CELF1: variants seen among roughly 807,000 people sequenced by gnomAD.
CELF1 encodes 50 kDa nuclear polyadenylated RNA-binding protein.
In CELF1, 10 loss-of-function variants were observed where a neutral mutation model predicts 61.8. The observed-to-expected ratio is 0.16, with a 90% CI of 0.10 to 0.27. The LOEUF is 0.27. Ranked by LOEUF, CELF1 falls within the 10% of genes least tolerant of loss-of-function variation. CELF1 has a pLI of 1.00. For missense variants in CELF1, 380 were observed against 639.1 expected, an observed-to-expected ratio of 0.59 and a Z score of 4.37; for synonymous variants, 236 against 225.1, an observed-to-expected ratio of 1.05 and a Z score of -0.43.
chr11:47,538,079 C>T (rs1003746101), intron 1 of CELF1, among the ~76,000 whole-genome samples: 3 of 152,006 alleles, frequency 2.0e-5, no homozygotes, highest in African/African-American at 7.2e-5. Context: ...CCATGCCTGG[C>T]TAAATAATTT....
At chr11:47,499,394 T>C in intron 3 of CELF1, 59 bp downstream of exon 3, 1 of 1,353,334 alleles carries the variant, frequency 7.4e-7, no homozygotes. Context: ...TTTCATCAAA[T>C]AAAGAAAACA....
intron 12 of CELF1, among the ~76,000 whole-genome samples, chr11:47,476,560 G>A (rs2080249020): frequency 6.6e-6 from 1 of 152,172 alleles, no homozygotes; most frequent in Non-Finnish European, 1.5e-5. Context: ...CAAGTAGCTA[G>A]GACTACAGGC....
At chr11:47,524,517 G>A (rs965436023) in intron 1 of CELF1, 4 of 152,104 alleles carry the variant, frequency 2.6e-5, no homozygotes, top group African/African-American at 9.7e-5. Flanking sequence ...AAAGACAAAC[G>A]AGTCACCTCT....
chr11:47,487,585 G>C (rs7933019), intron 4 of CELF1, among the ~76,000 whole-genome samples: 34,657 of 152,108 alleles, frequency 0.23, 5,043 homozygotes, highest in South Asian at 0.46. Flanking sequence ...TATGAGACAA[G>C]AAGACAGATG....
chr11:47,535,846 T>C (rs1386645239), intron 1 of CELF1, among the ~76,000 whole-genome samples: 2 of 148,964 alleles, frequency 1.3e-5, no homozygotes. Flanking sequence ...CACTGCAATC[T>C]CCACCTCCTG....
intron 1 of CELF1, among the ~76,000 whole-genome samples, chr11:47,548,553 T>C (rs573306529): frequency 2.0e-5 from 3 of 152,170 alleles, no homozygotes; most frequent in African/African-American, 7.2e-5. Flanking sequence ...AAATCATCTA[T>C]CTAATAAGGG....
intron 1 of CELF1, among the ~76,000 whole-genome samples, chr11:47,534,321 C>T (rs935018275): frequency 3.3e-5 from 5 of 151,482 alleles, no homozygotes; most frequent in Admixed American, 6.6e-5. Flanking sequence ...TGAGCCACGG[C>T]GCCTGGCCAT....
At chr11:47,541,419 G>A (rs2096769936) in intron 1 of CELF1, among the ~76,000 whole-genome samples, 1 of 152,000 alleles carries the variant, frequency 6.6e-6, no homozygotes, top group Non-Finnish European at 1.5e-5. Context: ...GGCCAGGTGT[G>A]GAGGCTCACA....
At chr11:47,541,478 G>A (rs1486001730) in intron 1 of CELF1, among the ~76,000 whole-genome samples, 1 of 151,876 alleles carries the variant, frequency 6.6e-6, no homozygotes, top group Non-Finnish European at 1.5e-5. Flanking sequence ...ATCTCCTGAG[G>A]TCAGGAGTTT....
At chr11:47,544,455 C>A (rs2096883097) in intron 1 of CELF1, among the ~76,000 whole-genome samples, 1 of 152,140 alleles carries the variant, frequency 6.6e-6, no homozygotes, top group Non-Finnish European at 1.5e-5. Context: ...ACTGGTGGTA[C>A]CCCAAATCCA....
At chr11:47,547,323 G>A (rs2096988892) in intron 1 of CELF1, among the ~76,000 whole-genome samples, 1 of 152,052 alleles carries the variant, frequency 6.6e-6, no homozygotes, top group South Asian at 2.1e-4. Context: ...TCCAAGAGAG[G>A]AGAAGATAGC....
intron 1 of CELF1, among the ~76,000 whole-genome samples, chr11:47,528,805 A>G (rs560350203): frequency 1.3e-5 from 2 of 149,784 alleles, no homozygotes; most frequent in East Asian, 4.0e-4. Context: ...CAGGAGGATC[A>G]TTTTGATTCC....
chr11:47,526,999 C>T (rs1009759776), intron 1 of CELF1, among the ~76,000 whole-genome samples: 4 of 151,200 alleles, frequency 2.6e-5, no homozygotes, highest in Non-Finnish European at 4.4e-5. Context: ...TGCAGTCAGC[C>T]GAGATTGTGC....
chr11:47,546,401 G>A (rs1163459977), intron 1 of CELF1, among the ~76,000 whole-genome samples: 4 of 151,786 alleles, frequency 2.6e-5, no homozygotes, highest in African/African-American at 2.4e-5. Flanking sequence ...TAAGTAGCTG[G>A]GATTACAGGC....
chr11:47,543,589 T>C (rs1221473875), intron 1 of CELF1, among the ~76,000 whole-genome samples: 1 of 152,212 alleles, frequency 6.6e-6, no homozygotes, highest in African/African-American at 2.4e-5. Context: ...ACCAAAGTTA[T>C]TTTACAAAGG....
intron 9 of CELF1, among the ~76,000 whole-genome samples, chr11:47,479,173 C>T (rs911800017): frequency 1.3e-5 from 2 of 152,074 alleles, no homozygotes; most frequent in African/African-American, 2.4e-5. Flanking sequence ...AGTATGTTCA[C>T]TGAATACTGA....
At chr11:47,563,041 A>AC (rs1237346170) in intron 2 of CELF1, among the ~76,000 whole-genome samples, 1 of 151,734 alleles carries the variant, frequency 6.6e-6, no homozygotes, top group Non-Finnish European at 1.5e-5. Flanking sequence ...ACATAGTGAG[A>AC]CCCCATCGCT....
intron 2 of CELF1, among the ~76,000 whole-genome samples, chr11:47,562,832 G>A (rs1198373461): frequency 1.3e-5 from 2 of 151,956 alleles, no homozygotes; most frequent in African/African-American, 4.8e-5. Flanking sequence ...AGCCTCCCAA[G>A]TAGCTGGGAT....
intron 1 of CELF1, among the ~76,000 whole-genome samples, chr11:47,549,519 A>G (rs1323140362): frequency 6.6e-6 from 1 of 152,222 alleles, no homozygotes; most frequent in Admixed American, 6.5e-5. Flanking sequence ...GTCACACAGT[A>G]CAACATGGAT....
Sources: allele counts gnomAD v4.1 joint callset (sites outside exome capture counted in the v4.1 genomes callset), GRCh38; gene constraint gnomAD v4.1.1; transcripts MANE v1.5; gene names NCBI Gene and HGNC (gene_info 2026-07-23, HGNC 2026-07-21).